B4GALT1: variants seen among roughly 807,000 people sequenced by gnomAD.
B4GALT1 encodes the protein N-acetyllactosamine synthase.
In B4GALT1, 16 loss-of-function variants were observed where a neutral mutation model predicts 34.9. The ratio of observed to expected loss-of-function variants is 0.46; its 90% CI spans 0.31 to 0.70. B4GALT1 has a LOEUF of 0.70. Ranked by LOEUF, B4GALT1 falls within the 30% of genes least tolerant of loss-of-function variation. The probability of loss-of-function intolerance (pLI) is 0.05; values close to 1 mark genes in which losing one functional copy is unlikely to be tolerated. For missense variants in B4GALT1, 445 were observed against 530.5 expected, an observed-to-expected ratio of 0.84 and a Z score of 1.58; for synonymous variants, 221 against 218.1, an observed-to-expected ratio of 1.01 and a Z score of -0.12.
Position 33,167,217 on chromosome 9 carries a change from G to T in B4GALT1, c.-48C>A. 6.7e-7 allele frequency: 1 copy of T among 1,491,270 alleles called. No individual in the cohort carries two copies. The allele number at this position is 1,491,270 out of a possible 1,614,324, so 92.4% of individuals were successfully genotyped here. ...GGGTGTGGGCTACAGGAGGGGAGGCGACCCGCCCGCGGGCCGCCCGCCAGG... is the reference window on the plus strand; with the variant it reads ...GGGTGTGGGCTACAGGAGGGGAGGCTACCCGCCCGCGGGCCGCCCGCCAGG... On this transcript the variant is annotated 5_prime_UTR_variant, in exon 1 of 6. Transcript: ENST00000379731.
At chr9:33,117,526 C>T (rs2031902) in intron 3 of B4GALT1, among the ~76,000 whole-genome samples, 72,293 of 152,050 alleles carry the variant, frequency 0.48, 19,473 homozygotes, top group Middle Eastern at 0.6. Flanking sequence ...ACTCTGAGTG[C>T]AGCTCCAAAC....
intron 1 of B4GALT1, among the ~76,000 whole-genome samples, chr9:33,136,942 A>G (rs955512615): frequency 1.3e-5 from 2 of 152,064 alleles, no homozygotes; most frequent in Non-Finnish European, 2.9e-5. Flanking sequence ...ACAGCTTGAG[A>G]AAAAAAGCTG....
Position 33,166,968 on chromosome 9 carries a change from C to T in B4GALT1, c.202G>A (p.Ala68Thr), listed in dbSNP as rs1291019522. 1.9e-6 allele frequency: 3 copies of T among 1,581,300 alleles called. No homozygotes were observed. The highest frequency in any genetic ancestry group is 2.3e-5 in the East Asian group (1 of 44,052). ...TCCCCGGAGGACTGCCCGATGGCGG[C>T]GGCACTGTTCGAGCCGCCCTGCAGC... Reference protein sequence around the residue: ...TPLQGGSNSAAAIGQSSGELR... With the variant: ...TPLQGGSNSATAIGQSSGELR... The change falls in exon 1 of 6, where the codon GCC (alanine) becomes ACC (threonine). Residue 68 changes from alanine (A) to threonine (T), a missense_variant. Coordinates refer to ENST00000379731, the MANE Select transcript of B4GALT1 (RefSeq NM_001497.4).
chr9:33,125,710 T>G (rs1229994516), intron 2 of B4GALT1, among the ~76,000 whole-genome samples: 2 of 152,162 alleles, frequency 1.3e-5, no homozygotes, highest in East Asian at 3.9e-4. Flanking sequence ...AAGAAAATCC[T>G]AACTGTGGTT....
In B4GALT1 at chr9:33,167,257, G is replaced by C. The variant is rs1012959465; in HGVS notation, c.-88C>G. The stretch of plus-strand genomic sequence containing the variant: ...CGCCCGCCAGGCGCTGCCCCACAGC[G>C]GCGACTAGGGGAGGGCCCGGAGCGG... On this transcript the variant is annotated 5_prime_UTR_variant, in exon 1 of 6. Coordinates refer to ENST00000379731, the MANE Select transcript of B4GALT1 (RefSeq NM_001497.4). 2.1e-6 allele frequency: 3 copies of C among 1,406,818 alleles called. No homozygotes were observed. Among genetic ancestry groups the C allele is most frequent in the South Asian group, 3.1e-5 (2 of 65,168 alleles). 87.1% of individuals were successfully genotyped at this position (1,406,818 alleles called of 1,614,324 possible). A position where few individuals can be genotyped will look rare whatever the true frequency, so the allele number is the denominator to read the frequency against.
rs572590334 is a variant in B4GALT1, at chr9:33,123,509, C to T, written c.649-2903G>A. 3.9e-5 allele frequency among the ~76,000 whole-genome samples: 6 copies of T among 152,180 alleles called. No homozygotes were observed. In the East Asian group the frequency reaches 5.8e-4, roughly 15 times the overall value. ...AAACACAATTCAGCCCCGTTGAGCACTTTCCAACAAGCAAAGGGAGGTATA... is the reference window on the plus strand; with the variant it reads ...AAACACAATTCAGCCCCGTTGAGCATTTTCCAACAAGCAAAGGGAGGTATA... On this transcript the variant is annotated intron_variant, in intron 2 of 5. Transcript: ENST00000379731.
chr9:33,152,370 A>AT (rs1554688121), intron 1 of B4GALT1, among the ~76,000 whole-genome samples: 14,709 of 67,608 alleles, frequency 0.22, 953 homozygotes, highest in East Asian at 0.35. Context: ...ATAACATAAC[A>AT]ACTTCTACAT....
chr9:33,153,026 T>C (rs774225362), intron 1 of B4GALT1, among the ~76,000 whole-genome samples: 1 of 151,892 alleles, frequency 6.6e-6, no homozygotes, highest in Non-Finnish European at 1.5e-5. Flanking sequence ...TGGCAAAGAC[T>C]CCCATCTTGA....
intron 2 of B4GALT1, among the ~76,000 whole-genome samples, chr9:33,132,207 T>G (rs1338081461): frequency 6.9e-6 from 1 of 144,330 alleles, no homozygotes; most frequent in South Asian, 2.3e-4. Flanking sequence ...ATATTCCTGA[T>G]GCTAAGTTGT....
At chr9:33,144,001 C>A (rs1279309315) in intron 1 of B4GALT1, among the ~76,000 whole-genome samples, 1 of 151,800 alleles carries the variant, frequency 6.6e-6, no homozygotes, top group East Asian at 1.9e-4. Context: ...TGGTCTCGGC[C>A]TCCTGAGTAG....
upstream of B4GALT1, among the ~76,000 whole-genome samples, chr9:33,170,526 A>T (rs1030654916): frequency 2.6e-5 from 4 of 152,254 alleles, no homozygotes; most frequent in South Asian, 6.2e-4. Context: ...ATTGGTATAG[A>T]TGATAGCCAG....
chr9:33,146,518 G>C (rs1191817025), intron 1 of B4GALT1, among the ~76,000 whole-genome samples: 1 of 152,096 alleles, frequency 6.6e-6, no homozygotes, highest in Non-Finnish European at 1.5e-5. Flanking sequence ...CTGACAAGTA[G>C]CCCAGGAAGA....
chr9:33,182,246 C>T, the B4GALT1 span, among the ~76,000 whole-genome samples: 10 of 152,306 alleles, frequency 6.6e-5, no homozygotes, highest in South Asian at 1.9e-3. Context: ...TTCTCTCTGC[C>T]TATGATTTTC....
chr9:33,110,410 G>A (rs558842059), downstream of B4GALT1, among the ~76,000 whole-genome samples: 5 of 152,336 alleles, frequency 3.3e-5, no homozygotes, highest in Admixed American at 6.5e-5. Context: ...GTGAGTACTT[G>A]TGAGGCATTA....
chr9:33,160,773 G>GA (rs1002916565), intron 1 of B4GALT1, among the ~76,000 whole-genome samples: 15 of 149,978 alleles, frequency 1.0e-4, no homozygotes, highest in Non-Finnish European at 2.1e-4. Flanking sequence ...AAAAGAAAAA[G>GA]AAAAAAAAAT....
chr9:33,152,356 TAACA>T (rs1840530883), intron 1 of B4GALT1, among the ~76,000 whole-genome samples: 1 of 122,464 alleles, frequency 8.2e-6, no homozygotes, highest in Non-Finnish European at 1.7e-5. Flanking sequence ...TAACATAACA[TAACA>T]TAACATAACA....
At chr9:33,142,147 TA>T (rs1309433838) in intron 1 of B4GALT1, among the ~76,000 whole-genome samples, 2 of 151,896 alleles carry the variant, frequency 1.3e-5, no homozygotes, top group Non-Finnish European at 2.9e-5. Context: ...CATGACCAGT[TA>T]ATTTTTGTAT....
chr9:33,108,447 T>TAA (rs60251768), downstream of B4GALT1, among the ~76,000 whole-genome samples: 1,140 of 142,196 alleles, frequency 8.0e-3, 10 homozygotes, highest in East Asian at 0.017. Flanking sequence ...ACTCTGTCTC[T>TAA]AAAAAAAAAA....
chr9:33,108,415 C>A (rs1246450171), downstream of B4GALT1, among the ~76,000 whole-genome samples: 4 of 149,312 alleles, frequency 2.7e-5, no homozygotes, highest in Non-Finnish European at 5.9e-5. Flanking sequence ...GAGTTTGAGA[C>A]CAGCCTGGTC....
Sources: gnomAD v4.1 joint callset for allele counts (sites outside exome capture counted in the v4.1 genomes callset) on GRCh38, gnomAD v4.1.1 for gene constraint, MANE v1.5 for transcripts, NCBI Gene and HGNC (gene_info 2026-07-23, HGNC 2026-07-21) for gene names.